Variants in CDKL5 observed in about 807,000 individuals in gnomAD.
The protein encoded by CDKL5 is cyclin-dependent kinase-like 5.
CDKL5 carries 8 observed loss-of-function variants against 61.7 expected under a neutral mutation model. The observed-to-expected ratio is 0.13, with a 90% CI of 0.08 to 0.23. The LOEUF is 0.23. CDKL5 is among the 10% of genes least tolerant of loss of function. CDKL5 has a pLI of 1.00. For missense variants in CDKL5, 440 were observed against 734.5 expected (o/e 0.60, Z 4.63); for synonymous variants, 275 against 272.3 (o/e 1.01, Z -0.10).
chrX:18,620,800 T>G (rs1199960151), intron 16 of CDKL5, among the ~76,000 whole-genome samples: 1 of 111,315 alleles, frequency 9.0e-6, no homozygotes, highest in East Asian at 2.8e-4. Flanking sequence ...CAGGCTGGAG[T>G]GCAGTGGCAT....
intron 20 of CDKL5, chrX:18,646,105 C>A: frequency 8.3e-7 from 1 of 1,211,721 alleles, no homozygotes; most frequent in Non-Finnish European, 1.1e-6. Context: ...AGTCTGGGCC[C>A]CGCATGCCAT....
chrX:18,471,581 C>T (rs964941109), intron 1 of CDKL5, among the ~76,000 whole-genome samples: 2 of 110,763 alleles, frequency 1.8e-5, no homozygotes, highest in Non-Finnish European at 3.8e-5. Flanking sequence ...TTATGTTGTC[C>T]AGGCTGGTGC....
At chrX:18,624,088 G>C in intron 16 of CDKL5, 1 of 436,408 alleles carries the variant, frequency 2.3e-6, no homozygotes, top group Non-Finnish European at 2.9e-6. Flanking sequence ...TTTTCATGAG[G>C]TCATATTCTC....
At chrX:18,610,027 G>A (rs780209341) in intron 14 of CDKL5, among the ~76,000 whole-genome samples, 2 of 111,907 alleles carry the variant, frequency 1.8e-5, no homozygotes, top group East Asian at 5.6e-4. Context: ...GATATTAAGT[G>A]CTACAAGGGG....
At chrX:18,536,158 A>G (rs1180555254) in intron 3 of CDKL5, 1 of 111,561 alleles carries the variant, frequency 9.0e-6, no homozygotes, top group Non-Finnish European at 1.9e-5. Flanking sequence ...CAAGATGCAT[A>G]CTTGGAAGCA....
intron 1 of CDKL5, among the ~76,000 whole-genome samples, chrX:18,467,375 G>A (rs949406566): frequency 1.1e-4 from 12 of 111,455 alleles, no homozygotes; most frequent in Non-Finnish European, 9.4e-5. Flanking sequence ...TATATAAACT[G>A]CATGCTTTTT....
chrX:18,535,216 T>G (rs17320914), intron 3 of CDKL5: 1 of 120,036 alleles, frequency 8.3e-6, no homozygotes, highest in Non-Finnish European at 1.8e-5. Flanking sequence ...ATGAGCAGTT[T>G]GCCTTTCATT....
At chrX:18,482,258 T>G (rs1442580291) in intron 1 of CDKL5, among the ~76,000 whole-genome samples, 2 of 111,675 alleles carry the variant, frequency 1.8e-5, no homozygotes, top group Non-Finnish European at 3.8e-5. Flanking sequence ...GTGCTTTTCT[T>G]TGGTTTAATT....
At chrX:18,542,659 A>G (rs868268610) in intron 3 of CDKL5, among the ~76,000 whole-genome samples, 1 of 95,964 alleles carries the variant, frequency 1.0e-5, no homozygotes, top group Non-Finnish European at 2.1e-5. Flanking sequence ...TAATATGATG[A>G]TTTTTTTTTT....
intron 6 of CDKL5, among the ~76,000 whole-genome samples, chrX:18,580,314 T>A (rs762598271): frequency 1.3e-3 from 144 of 111,747 alleles, no homozygotes; most frequent in Middle Eastern, 4.7e-3. Context: ...AAAATGTTGA[T>A]CTCTATAGCC....
chrX:18,608,677 C>T (rs1285721826), intron 12 of CDKL5, 134 bp from the exon 13 acceptor site: 4 of 495,666 alleles, frequency 8.1e-6, no homozygotes. Flanking sequence ...TTTTATGGGA[C>T]TATTTGTATT....
At chrX:18,556,781 A>G (rs1413884565) in intron 3 of CDKL5, among the ~76,000 whole-genome samples, 1 of 106,723 alleles carries the variant, frequency 9.4e-6, no homozygotes, top group Non-Finnish European at 1.9e-5. Context: ...TACTCAGAAG[A>G]CTGAGGCAGG....
intron 1 of CDKL5, among the ~76,000 whole-genome samples, chrX:18,473,806 G>A (rs774110820): frequency 1.9e-5 from 2 of 107,267 alleles, no homozygotes; most frequent in Non-Finnish European, 3.8e-5. Context: ...TATGCCTCCC[G>A]GATTCAAGCA....
intron 9 of CDKL5, among the ~76,000 whole-genome samples, chrX:18,593,326 G>T (rs1220773719): frequency 8.9e-6 from 1 of 111,975 alleles, no homozygotes. Flanking sequence ...AGTTTGCTTG[G>T]TCATTTTTTA....
At chrX:18,565,920 A>G (rs1422097127) in intron 4 of CDKL5, among the ~76,000 whole-genome samples, 3 of 111,979 alleles carry the variant, frequency 2.7e-5, no homozygotes, top group East Asian at 2.8e-4. Flanking sequence ...CTGTGATACC[A>G]TTGGAAATGA....
intron 1 of CDKL5, among the ~76,000 whole-genome samples, chrX:18,459,809 A>G (rs1348135767): frequency 1.1e-5 from 1 of 91,629 alleles, no homozygotes; most frequent in Non-Finnish European, 2.1e-5. Context: ...GGTTCAAGTG[A>G]TTCTCCTACC....
intron 3 of CDKL5, among the ~76,000 whole-genome samples, chrX:18,528,587 T>C (rs1923532081): frequency 9.4e-6 from 1 of 106,369 alleles, no homozygotes; most frequent in South Asian, 4.0e-4. Flanking sequence ...CCTCCCTGCC[T>C]CTCTCTCTCT....
chrX:18,599,492 C>T (rs1266864350), intron 11 of CDKL5, among the ~76,000 whole-genome samples: 1 of 112,345 alleles, frequency 8.9e-6, no homozygotes, highest in Non-Finnish European at 1.9e-5. Context: ...TTTGCTCTGT[C>T]GCCTAGGCTG....
rs374096485 is a variant in CDKL5 at position 18,567,682 on chromosome X, AC to A, written c.145+3162del. On this transcript the variant is annotated intron_variant, in intron 4 of 17. Transcript: ENST00000623535. The stretch of plus-strand genomic sequence containing the variant: ...GGATTGCTTGAGCCAGGAGTTTGAG[AC>A]CAGCCTGGGCAACATGGCGAGACCC... Among the ~76,000 whole-genome samples the A allele has an allele frequency of 6.6e-3, 741 of 111,505 alleles. 8 individuals are homozygous for A. The highest frequency in any genetic ancestry group is 0.023 in the African/African-American group (690 of 30,657).
Sources: gnomAD v4.1 joint callset for allele counts (sites outside exome capture counted in the v4.1 genomes callset) on GRCh38, gnomAD v4.1.1 for gene constraint, MANE v1.5 for transcripts, NCBI Gene and HGNC (gene_info 2026-07-23, HGNC 2026-07-21) for gene names.